Variants in CCDC141 observed in about 807,000 individuals in gnomAD.
CCDC141 encodes the protein coiled-coil domain-containing protein 141.
In CCDC141, 168 loss-of-function variants were observed where a neutral mutation model predicts 181.0. That is an observed-to-expected ratio of 0.93 (90% CI 0.82 to 1.05). The LOEUF is 1.05. CCDC141 is among the 50% of genes least tolerant of loss of function. The probability of loss-of-function intolerance (pLI) is 0.00; values close to 1 mark genes in which losing one functional copy is unlikely to be tolerated. For missense variants in CCDC141, 1,902 were observed against 1,788.5 expected (o/e 1.06, Z -1.14); for synonymous variants, 666 against 642.3 (o/e 1.04, Z -0.56).
At chr2:178,952,137 A>G (rs1689975028) in intron 5 of CCDC141, among the ~76,000 whole-genome samples, 1 of 152,248 alleles carries the variant, frequency 6.6e-6, no homozygotes, top group African/African-American at 2.4e-5. Context: ...ACTGGATATA[A>G]AGCCATGAAA....
At chr2:178,977,643 A>C (rs1691180181) in intron 3 of CCDC141, among the ~76,000 whole-genome samples, 1 of 152,200 alleles carries the variant, frequency 6.6e-6, no homozygotes, top group Non-Finnish European at 1.5e-5. Context: ...TTCTATTACT[A>C]ATCTTCTTTC....
intron 22 of CCDC141, among the ~76,000 whole-genome samples, chr2:178,844,106 T>C (rs1008013495): frequency 6.6e-6 from 1 of 152,246 alleles, no homozygotes; most frequent in African/African-American, 2.4e-5. Context: ...TTTTACTAAG[T>C]ATAAATTATT....
downstream of CCDC141, among the ~76,000 whole-genome samples, chr2:178,827,804 A>T (rs533267792): frequency 6.6e-6 from 1 of 152,304 alleles, no homozygotes; most frequent in Admixed American, 6.5e-5. Flanking sequence ...ATAACAAAGC[A>T]CCACAAAGAG....
chr2:178,974,533 A>T (rs1691038398), intron 4 of CCDC141, among the ~76,000 whole-genome samples: 1 of 152,216 alleles, frequency 6.6e-6, no homozygotes, highest in Non-Finnish European at 1.5e-5. Context: ...GTTCAGAGGG[A>T]ACTGAAAATC....
At chr2:179,016,195 G>C (rs1340051638) in intron 2 of CCDC141, among the ~76,000 whole-genome samples, 1 of 138,258 alleles carries the variant, frequency 7.2e-6, no homozygotes, top group Non-Finnish European at 1.6e-5. Flanking sequence ...AGGACTTGGG[G>C]GGAAGAGTGA....
At chr2:178,989,110 G>A (rs1445084307) in intron 2 of CCDC141, among the ~76,000 whole-genome samples, 1 of 152,010 alleles carries the variant, frequency 6.6e-6, no homozygotes, top group East Asian at 1.9e-4. Flanking sequence ...TTTTAGATAC[G>A]ACACCAGTAG....
intron 2 of CCDC141, among the ~76,000 whole-genome samples, chr2:179,025,343 AGTG>A (rs947515471): frequency 6.6e-6 from 1 of 152,142 alleles, no homozygotes; most frequent in African/African-American, 2.4e-5. Flanking sequence ...GGAGGAACCC[AGTG>A]GGAAGTGACT....
chr2:178,927,318 T>C (rs936471495), intron 6 of CCDC141, among the ~76,000 whole-genome samples: 2 of 152,090 alleles, frequency 1.3e-5, no homozygotes, highest in African/African-American at 4.8e-5. Flanking sequence ...CAGCACCTTT[T>C]ATGAACACAA....
chr2:178,907,254 C>G (rs1688012228), intron 7 of CCDC141, among the ~76,000 whole-genome samples: 2 of 152,172 alleles, frequency 1.3e-5, no homozygotes, highest in African/African-American at 4.8e-5. Flanking sequence ...AAGAAATTAT[C>G]CCCATTATAT....
intron 6 of CCDC141, among the ~76,000 whole-genome samples, chr2:178,921,510 T>A (rs556330456): frequency 3.9e-5 from 6 of 152,226 alleles, no homozygotes; most frequent in Non-Finnish European, 1.5e-5. Flanking sequence ...AACAGTCTTA[T>A]GAGATGAAAC....
chr2:178,820,012 T>G, the CCDC141 span, among the ~76,000 whole-genome samples: 1 of 152,164 alleles, frequency 6.6e-6, no homozygotes. Flanking sequence ...TTATTAAGCT[T>G]CTCTCACTAA....
intron 4 of CCDC141, among the ~76,000 whole-genome samples, chr2:178,973,278 G>T (rs192303253): frequency 6.6e-6 from 1 of 152,124 alleles, no homozygotes; most frequent in African/African-American, 2.4e-5. Context: ...CAAGTATCCT[G>T]ACCAGAGTTC....
intron 7 of CCDC141, among the ~76,000 whole-genome samples, chr2:178,911,404 T>C (rs1688212752): frequency 6.6e-6 from 1 of 152,218 alleles, no homozygotes; most frequent in African/African-American, 2.4e-5. Flanking sequence ...CCCAAGGTCA[T>C]AGAGCTAATA....
the CCDC141 span, among the ~76,000 whole-genome samples, chr2:178,818,267 A>G: frequency 6.6e-6 from 1 of 152,206 alleles, no homozygotes; most frequent in Non-Finnish European, 1.5e-5. Context: ...AAACCCATAA[A>G]GGTGACTTTT....
chr2:179,015,454 A>G (rs62647558), intron 2 of CCDC141, among the ~76,000 whole-genome samples: 19,824 of 95,488 alleles, frequency 0.21, 3,449 homozygotes, highest in Admixed American at 0.35. Flanking sequence ...TCATATATGT[A>G]CCATATATAT....
chr2:178,825,961 T>G (rs924257553), downstream of CCDC141, among the ~76,000 whole-genome samples: 2 of 152,178 alleles, frequency 1.3e-5, no homozygotes, highest in African/African-American at 4.8e-5. Context: ...CTTAGTAACT[T>G]TTATGTTTTC....
intron 6 of CCDC141, among the ~76,000 whole-genome samples, chr2:178,933,364 CTCTTAAATTTTAGCATGAA>C (rs1345160210): frequency 6.6e-6 from 1 of 152,062 alleles, no homozygotes; most frequent in Non-Finnish European, 1.5e-5. Context: ...AAGTTGGTGC[CTCTTAAATTTTAGCATGAA>C]TACAAATCCT....
chr2:179,048,595 C>T (rs1370388889), intron 1 of CCDC141, among the ~76,000 whole-genome samples: 1 of 152,124 alleles, frequency 6.6e-6, no homozygotes, highest in Non-Finnish European at 1.5e-5. Context: ...GCCTCTTTTC[C>T]CTCATTGCTG....
intron 2 of CCDC141, among the ~76,000 whole-genome samples, chr2:178,980,871 T>C (rs1234704169): frequency 6.6e-6 from 1 of 151,950 alleles, no homozygotes; most frequent in Non-Finnish European, 1.5e-5. Context: ...TATACCTCAA[T>C]AAAGCTGGAT....
Sources: allele counts gnomAD v4.1 joint callset (sites outside exome capture counted in the v4.1 genomes callset), GRCh38; gene constraint gnomAD v4.1.1; transcripts MANE v1.5; gene names NCBI Gene and HGNC (gene_info 2026-07-23, HGNC 2026-07-21).